Variants in CSMD1 observed in about 807,000 individuals in gnomAD.
The protein encoded by CSMD1 is CUB and sushi domain-containing protein 1.
A neutral mutation model predicts 417.5 loss-of-function variants in CSMD1; 213 were observed. The observed-to-expected ratio is 0.51, with a 90% CI of 0.46 to 0.57. The LOEUF is 0.57. CSMD1 is among the 20% of genes least tolerant of loss of function. CSMD1 has a pLI of 0.00. For synonymous variants in CSMD1, 2,862 were observed against 1,736.8 expected (o/e 1.65, Z -16.11); for missense variants, 6,923 against 4,529.7 (o/e 1.53, Z -15.17).
At chr8:3,947,749 G>C (rs900944055) in intron 5 of CSMD1, among the ~76,000 whole-genome samples, 3 of 152,236 alleles carry the variant, frequency 2.0e-5, no homozygotes, top group African/African-American at 7.2e-5. Flanking sequence ...GTTTATCTTA[G>C]TGAATGTTCC....
chr8:4,215,144 G>C (rs533459989), intron 3 of CSMD1, among the ~76,000 whole-genome samples: 1 of 152,286 alleles, frequency 6.6e-6, no homozygotes, highest in South Asian at 2.1e-4. Context: ...CCTAGGGAGA[G>C]GGGACGCATC....
intron 3 of CSMD1, among the ~76,000 whole-genome samples, chr8:4,153,387 T>G (rs1796670399): frequency 6.6e-6 from 1 of 152,244 alleles, no homozygotes; most frequent in Non-Finnish European, 1.5e-5. Context: ...TGTAATACTC[T>G]GCAGTTCTAG....
chr8:3,629,011 T>C (rs35166084), intron 7 of CSMD1, among the ~76,000 whole-genome samples: 2 of 151,958 alleles, frequency 1.3e-5, no homozygotes, highest in Non-Finnish European at 2.9e-5. Flanking sequence ...AAAGATAAAA[T>C]AGAATTCTAA....
intron 5 of CSMD1, among the ~76,000 whole-genome samples, chr8:3,813,814 A>T (rs574196905): frequency 1.3e-5 from 2 of 151,432 alleles, no homozygotes; most frequent in East Asian, 1.9e-4. Flanking sequence ...TGAAAAACTT[A>T]AAGTATGTCT....
At chr8:2,972,467 A>C (rs570921183) in intron 57 of CSMD1, among the ~76,000 whole-genome samples, 1 of 152,168 alleles carries the variant, frequency 6.6e-6, no homozygotes, top group Admixed American at 6.5e-5. Context: ...CGGGTTTTGA[A>C]CTCCGAATAC....
intron 10 of CSMD1, among the ~76,000 whole-genome samples, chr8:3,520,793 T>C (rs889850287): frequency 6.6e-6 from 1 of 152,008 alleles, no homozygotes; most frequent in African/African-American, 2.4e-5. Context: ...CATCACCACA[T>C]CTGTAGAGGA....
intron 6 of CSMD1, among the ~76,000 whole-genome samples, chr8:3,728,976 G>T (rs1347180655): frequency 6.6e-6 from 1 of 152,222 alleles, no homozygotes; most frequent in African/African-American, 2.4e-5. Flanking sequence ...CTGCAGGGCT[G>T]AGGTGGTAGA....
At chr8:4,209,732 T>C (rs1800195605) in intron 3 of CSMD1, among the ~76,000 whole-genome samples, 1 of 152,192 alleles carries the variant, frequency 6.6e-6, no homozygotes. Context: ...CAGCACCAGA[T>C]GTCCTGCTCC....
At chr8:4,349,560 G>C (rs13250773) in intron 3 of CSMD1, among the ~76,000 whole-genome samples, 12,242 of 151,940 alleles carry the variant, frequency 0.081, 554 homozygotes, top group South Asian at 0.21. Flanking sequence ...TTTATATTAG[G>C]TGACATAGAA....
At chr8:4,077,116 G>A (rs1215123084) in intron 3 of CSMD1, among the ~76,000 whole-genome samples, 1 of 151,536 alleles carries the variant, frequency 6.6e-6, no homozygotes, top group Non-Finnish European at 1.5e-5. Flanking sequence ...TCATTTTAGT[G>A]ATGAGTATGA....
chr8:4,825,777 A>C (rs1799791955), intron 1 of CSMD1, among the ~76,000 whole-genome samples: 1 of 143,658 alleles, frequency 7.0e-6, no homozygotes, highest in South Asian at 2.4e-4. Context: ...GCTTCTACAA[A>C]TCAAATGCAA....
At chr8:4,657,090 G>C (rs998100867) in intron 1 of CSMD1, among the ~76,000 whole-genome samples, 1 of 152,212 alleles carries the variant, frequency 6.6e-6, no homozygotes, top group Middle Eastern at 3.4e-3. Flanking sequence ...AGAAAAGCTA[G>C]GCACAGATTT....
In CSMD1 at chr8:3,837,505, C is replaced by A. The variant is rs896148891; in HGVS notation, c.819-83463G>T. On this transcript the variant is annotated intron_variant, in intron 5 of 69. Coordinates refer to ENST00000635120, the MANE Select transcript of CSMD1 (RefSeq NM_033225.6). ...GAACAGCAGAAACAAGATGTGAGAT[C>A]CTGAGGATGCAGAGACATTTAAAAA... is the stretch of plus-strand genomic sequence containing the variant. Among the ~76,000 whole-genome samples, 10 of 152,038 alleles carry A rather than the reference C, an allele frequency of 6.6e-5. No individual in the cohort carries two copies. In the East Asian group the frequency reaches 1.9e-3, roughly 29 times the overall value.
At chr8:3,553,491 A>G (rs1799008027) in intron 10 of CSMD1, among the ~76,000 whole-genome samples, 2 of 152,200 alleles carry the variant, frequency 1.3e-5, no homozygotes, top group Admixed American at 6.5e-5. Flanking sequence ...TATTCCTAAG[A>G]CAGCTGCGTC....
intron 5 of CSMD1, among the ~76,000 whole-genome samples, chr8:3,838,595 T>G (rs926563085): frequency 7.1e-6 from 1 of 140,838 alleles, no homozygotes; most frequent in Non-Finnish European, 1.5e-5. Flanking sequence ...AGTCCCTCTC[T>G]ATATAAATAT....
rs141145149 is a variant in CSMD1 at position 3,436,919 on chromosome 8, G to A, written c.1562-27314C>T. The stretch of plus-strand genomic sequence containing the variant: ...TTATTTTCTCAGCCACTTTATGTAT[G>A]GCTTCTCCAAAAAAAAGAGTGTGAA... On this transcript the variant is annotated intron_variant, in intron 12 of 69. Transcript: ENST00000635120. 6.6e-5 allele frequency among the ~76,000 whole-genome samples: 10 copies of A among 152,014 alleles called. No homozygotes were observed. The East Asian group carries it at 1.5e-3, about 24-fold the overall frequency.
chr8:3,366,170 C>T (rs1204462432), intron 20 of CSMD1, among the ~76,000 whole-genome samples: 1 of 152,150 alleles, frequency 6.6e-6, no homozygotes, highest in African/African-American at 2.4e-5. Flanking sequence ...GCATCATATG[C>T]ACAAATGCAA....
At chr8:4,605,773 G>C (rs1295821740) in intron 2 of CSMD1, among the ~76,000 whole-genome samples, 1 of 152,180 alleles carries the variant, frequency 6.6e-6, no homozygotes, top group Non-Finnish European at 1.5e-5. Context: ...CGCTGCCATT[G>C]CAAGCTCACC....
intron 3 of CSMD1, among the ~76,000 whole-genome samples, chr8:4,295,879 C>T (rs977090673): frequency 6.7e-6 from 1 of 150,210 alleles, no homozygotes; most frequent in Non-Finnish European, 1.5e-5. Flanking sequence ...AAGTACAATG[C>T]TCTTGTCTTT....
Sources: gnomAD v4.1 joint callset for allele counts (sites outside exome capture counted in the v4.1 genomes callset) on GRCh38, gnomAD v4.1.1 for gene constraint, MANE v1.5 for transcripts, NCBI Gene and HGNC (gene_info 2026-07-23, HGNC 2026-07-21) for gene names.